The following FBXL17 variants were observed in gnomAD, a reference collection of about 807,000 sequenced individuals.
FBXL17 encodes F-box/LRR-repeat protein 17.
Under a neutral mutation model 66.2 loss-of-function variants are expected in FBXL17, and 22 were observed. The observed-to-expected ratio is 0.33, with a 90% CI of 0.24 to 0.47. The LOEUF is 0.47. Among genes scored for constraint, FBXL17 ranks in the 20% least tolerant of loss-of-function variants. The pLI, the probability that FBXL17 is intolerant of heterozygous loss-of-function variation, is 1.00. For missense variants in FBXL17, 878 were observed against 948.2 expected, an observed-to-expected ratio of 0.93 and a Z score of 0.97; for synonymous variants, 474 against 400.5, an observed-to-expected ratio of 1.18 and a Z score of -2.19.
At chr5:108,261,623 C>A (rs1284688768) in intron 4 of FBXL17, among the ~76,000 whole-genome samples, 1 of 151,554 alleles carries the variant, frequency 6.6e-6, no homozygotes, top group Non-Finnish European at 1.5e-5. Flanking sequence ...CCATAAAGAC[C>A]CAAACTAAAC....
chr5:107,989,676 T>C (rs1753159101), intron 7 of FBXL17, among the ~76,000 whole-genome samples: 1 of 152,126 alleles, frequency 6.6e-6, no homozygotes, highest in Admixed American at 6.6e-5. Context: ...TGCTGGATCA[T>C]ATGGTAGTTC....
chr5:108,109,594 T>C (rs1749950091), intron 6 of FBXL17, among the ~76,000 whole-genome samples: 1 of 152,200 alleles, frequency 6.6e-6, no homozygotes, highest in South Asian at 2.1e-4. Flanking sequence ...TTAAATACAT[T>C]TGTATGTTTT....
rs968227772 is a variant in FBXL17 at position 107,907,469 on chromosome 5, C to T, written c.1823-26290G>A. ...AGTATCTCTCCAAAATGAAACAAAA[C>T]GAGGCAAAGCAAACAAACAAAAAAC... On this transcript the variant is annotated intron_variant, in intron 7 of 8. Coordinates refer to ENST00000542267, the MANE Select transcript of FBXL17 (RefSeq NM_001163315.3). 5.3e-5 allele frequency among the ~76,000 whole-genome samples: 8 copies of T among 151,956 alleles called. No individual in the cohort carries two copies. The South Asian group carries it at 6.2e-4, about 12-fold the overall frequency.
At chr5:107,915,174 C>T (rs1342718523) in intron 7 of FBXL17, among the ~76,000 whole-genome samples, 1 of 152,012 alleles carries the variant, frequency 6.6e-6, no homozygotes, top group Non-Finnish European at 1.5e-5. Flanking sequence ...AAATTTATTC[C>T]ATATGGAATC....
intron 3 of FBXL17, among the ~76,000 whole-genome samples, chr5:108,361,831 C>G (rs78939788): frequency 0.043 from 6,533 of 152,142 alleles, 758 homozygotes; most frequent in East Asian, 0.39. Context: ...GTTGATCAGA[C>G]AAATGAATAA....
chr5:108,174,748 C>CA (rs34237156), intron 6 of FBXL17, among the ~76,000 whole-genome samples: 1,350 of 92,516 alleles, frequency 0.015, 19 homozygotes, highest in African/African-American at 0.032. Flanking sequence ...CACAAAGAAG[C>CA]AAAAAAAAAA....
chr5:108,294,990 T>A (rs888054089), intron 4 of FBXL17, among the ~76,000 whole-genome samples: 1 of 152,030 alleles, frequency 6.6e-6, no homozygotes, highest in South Asian at 2.1e-4. Context: ...CAATTTACTT[T>A]TGTTCTTAAC....
At chr5:107,980,665 T>TATATATATA in intron 7 of FBXL17, among the ~76,000 whole-genome samples, 6 of 79,072 alleles carry the variant, frequency 7.6e-5, no homozygotes, top group African/African-American at 1.8e-4. Flanking sequence ...TATATATATA[T>TATATATATA]TTTTTTTTTG....
rs186456030 is a variant in FBXL17, at chr5:108,162,738, C to G, written c.1745+23379G>C. 9.1e-3 allele frequency among the ~76,000 whole-genome samples: 1,387 copies of G among 152,270 alleles called. 8 individuals are homozygous for G. Among genetic ancestry groups the G allele is most frequent in the Middle Eastern group, 0.044 (13 of 294 alleles). Reference sequence around the variant, plus strand: ...GTGCCTTGGTTCTCTCATTTGAAAACTGGGCACAATAACAGTATCACCTCA... The same window carrying G: ...GTGCCTTGGTTCTCTCATTTGAAAAGTGGGCACAATAACAGTATCACCTCA... On this transcript the variant is annotated intron_variant, in intron 6 of 8. Transcript: ENST00000542267.
intron 7 of FBXL17, among the ~76,000 whole-genome samples, chr5:107,881,503 T>G (rs145623903): frequency 1.2e-4 from 19 of 152,322 alleles, no homozygotes; most frequent in Admixed American, 2.6e-4. Flanking sequence ...GATACAACAT[T>G]TAAAAAAACC....
intron 6 of FBXL17, among the ~76,000 whole-genome samples, chr5:108,021,624 C>T (rs1412997036): frequency 6.6e-6 from 1 of 151,248 alleles, no homozygotes; most frequent in African/African-American, 2.4e-5. Flanking sequence ...ATATGTAAGA[C>T]TGTCTTTTCT....
Position 108,381,279 on chromosome 5 carries a change from G to C in FBXL17, c.413C>G (p.Ala138Gly), listed in dbSNP as rs1242560019. 16 of 1,420,280 alleles carry C rather than the reference G, an allele frequency of 1.1e-5. No homozygotes were observed. Among genetic ancestry groups the C allele is most frequent in the Non-Finnish European group, 1.4e-5 (15 of 1,091,290 alleles). 88.0% of individuals were successfully genotyped at this position (1,420,280 alleles called of 1,614,324 possible). ...AAAAASASSPASCCKELGLAA... is the reference protein window; with the variant it reads ...AAAAASASSPGSCCKELGLAA... ...CAGCCCCAACTCTTTGCAGCAGGAG[G>C]CGGGCGACGAAGCCGAGGCGGCAGC... The change falls in exon 1 of 9, where the codon GCC (alanine) becomes GGC (glycine). Residue 138 changes from alanine to glycine, a missense_variant. Physicochemically the swap from Ala to Gly is moderately conservative, Grantham distance 60. Transcript: ENST00000542267.
At chr5:108,155,113 T>C (rs1455911960) in intron 6 of FBXL17, among the ~76,000 whole-genome samples, 2 of 152,184 alleles carry the variant, frequency 1.3e-5, no homozygotes, top group African/African-American at 2.4e-5. Flanking sequence ...AAATACAATA[T>C]ATATACACAT....
chr5:107,904,823 T>C (rs1048629178), intron 7 of FBXL17, among the ~76,000 whole-genome samples: 2 of 152,156 alleles, frequency 1.3e-5, no homozygotes, highest in Non-Finnish European at 2.9e-5. Context: ...ATATAACATA[T>C]GCTTAATTGC....
At chr5:107,969,468 C>T (rs955596221) in intron 7 of FBXL17, among the ~76,000 whole-genome samples, 4 of 152,130 alleles carry the variant, frequency 2.6e-5, no homozygotes, top group Non-Finnish European at 5.9e-5. Context: ...ATAAAGATAT[C>T]TTTCTTCATA....
At chr5:108,029,383 T>C (rs886278346) in intron 6 of FBXL17, among the ~76,000 whole-genome samples, 6 of 152,112 alleles carry the variant, frequency 3.9e-5, no homozygotes, top group Non-Finnish European at 7.4e-5. Context: ...TTTGACACTA[T>C]TGATACTTAG....
chr5:107,879,158 G>A (rs1456552235), intron 8 of FBXL17: 1 of 985,222 alleles, frequency 1.0e-6, no homozygotes, highest in East Asian at 1.1e-4. Flanking sequence ...GTGTATCTCC[G>A]AAGATGGAGC....
intron 6 of FBXL17, among the ~76,000 whole-genome samples, chr5:108,100,786 G>A (rs1326826750): frequency 6.6e-6 from 1 of 152,124 alleles, no homozygotes. Flanking sequence ...TAATGTCATA[G>A]CTTTAATGAT....
chr5:108,360,573 G>A (rs1178520191), intron 3 of FBXL17, among the ~76,000 whole-genome samples: 1 of 151,952 alleles, frequency 6.6e-6, no homozygotes, highest in Non-Finnish European at 1.5e-5. Flanking sequence ...ATATCTCTTT[G>A]ACATTATCCT....
Sources: allele counts gnomAD v4.1 joint callset (sites outside exome capture counted in the v4.1 genomes callset), GRCh38; gene constraint gnomAD v4.1.1; transcripts MANE v1.5; gene names NCBI Gene and HGNC (gene_info 2026-07-23, HGNC 2026-07-21).